MACROD2: variants seen among roughly 807,000 people sequenced by gnomAD.
The protein encoded by MACROD2 is ADP-ribose glycohydrolase MACROD2.
Under a neutral mutation model 70.4 loss-of-function variants are expected in MACROD2, and 36 were observed. That is an observed-to-expected ratio of 0.51 (90% CI 0.39 to 0.68). MACROD2 has a LOEUF of 0.68. Among genes scored for constraint, MACROD2 ranks in the 30% least tolerant of loss-of-function variants. The pLI is 0.00. For synonymous variants in MACROD2, 172 were observed against 178.8 expected (o/e 0.96, Z 0.30); for missense variants, 496 against 538.4 (o/e 0.92, Z 0.78).
rs143395905 is a variant in MACROD2 at position 14,465,539 on chromosome 20, G to C, written c.272-27940G>C. ...GAGTATTTAGCCCATTTATATTTAA[G>C]GTTAGTATTGTTATGTGTGAATTTG... On this transcript the variant is annotated intron_variant, in intron 3 of 17. Transcript: ENST00000684519. 3.3e-5 allele frequency among the ~76,000 whole-genome samples: 5 copies of C among 152,060 alleles called. No homozygotes were observed. In the East Asian group the frequency reaches 9.7e-4, roughly 29 times the overall value.
chr20:14,186,399 A>G (rs1405129447), intron 3 of MACROD2, among the ~76,000 whole-genome samples: 1 of 152,202 alleles, frequency 6.6e-6, no homozygotes, highest in Non-Finnish European at 1.5e-5. Flanking sequence ...TCAAAACCAC[A>G]TTGATATACC....
intron 3 of MACROD2, among the ~76,000 whole-genome samples, chr20:14,432,804 A>G (rs1337965653): frequency 1.3e-5 from 2 of 152,112 alleles, no homozygotes; most frequent in Non-Finnish European, 2.9e-5. Flanking sequence ...GTGCCTGGCC[A>G]CCATTATCTT....
At chr20:14,315,565 A>G (rs1015160760) in intron 3 of MACROD2, among the ~76,000 whole-genome samples, 16 of 152,204 alleles carry the variant, frequency 1.1e-4, no homozygotes, top group African/African-American at 3.6e-4. Context: ...AATAACACAT[A>G]AGCAAAATAT....
chr20:15,964,692 A>G (rs762254040), intron 12 of MACROD2, among the ~76,000 whole-genome samples: 1 of 152,208 alleles, frequency 6.6e-6, no homozygotes, highest in Non-Finnish European at 1.5e-5. Context: ...CTTCAAACCT[A>G]CAACTAAATA....
intron 6 of MACROD2, among the ~76,000 whole-genome samples, chr20:15,261,714 A>G (rs992721089): frequency 6.6e-6 from 1 of 151,958 alleles, no homozygotes; most frequent in Non-Finnish European, 1.5e-5. Context: ...AAATTTGAAC[A>G]ATATTATATT....
intron 5 of MACROD2, among the ~76,000 whole-genome samples, chr20:15,080,533 C>G (rs1470927792): frequency 1.3e-5 from 2 of 152,072 alleles, no homozygotes; most frequent in African/African-American, 4.8e-5. Context: ...CTTTTGAACA[C>G]TGGAGTTTTC....
chr20:14,610,010 C>G (rs999314739), intron 4 of MACROD2, among the ~76,000 whole-genome samples: 2 of 152,108 alleles, frequency 1.3e-5, no homozygotes, highest in African/African-American at 4.8e-5. Context: ...CAGGGTTTTA[C>G]AACACTTTCT....
intron 3 of MACROD2, among the ~76,000 whole-genome samples, chr20:14,123,428 A>G (rs2054608926): frequency 6.6e-6 from 1 of 152,150 alleles, no homozygotes; most frequent in African/African-American, 2.4e-5. Flanking sequence ...CACCTTCATC[A>G]GCACTGCAGC....
chr20:15,269,367 C>T (rs979714249), intron 6 of MACROD2, among the ~76,000 whole-genome samples: 6 of 152,236 alleles, frequency 3.9e-5, no homozygotes, highest in African/African-American at 1.4e-4. Context: ...TCTTGGCCTT[C>T]AGTCCACCCA....
intron 5 of MACROD2, among the ~76,000 whole-genome samples, chr20:14,980,822 T>C (rs937179258): frequency 1.3e-5 from 2 of 152,126 alleles, no homozygotes; most frequent in African/African-American, 4.8e-5. Context: ...GATAATCAGG[T>C]CTTCAGCAAA....
At chr20:14,099,314 C>G (rs1483021754) in intron 3 of MACROD2, among the ~76,000 whole-genome samples, 1 of 151,816 alleles carries the variant, frequency 6.6e-6, no homozygotes, top group Non-Finnish European at 1.5e-5. Context: ...ACCAGTACCC[C>G]AGAAGCCCTC....
chr20:14,352,872 T>G (rs2083137016), intron 3 of MACROD2, among the ~76,000 whole-genome samples: 1 of 152,134 alleles, frequency 6.6e-6, no homozygotes, highest in South Asian at 2.1e-4. Context: ...CATTTGAATA[T>G]TTTTGCTTTA....
chr20:15,451,689 A>G (rs143031569), intron 7 of MACROD2, among the ~76,000 whole-genome samples: 267 of 152,242 alleles, frequency 1.8e-3, no homozygotes, highest in Non-Finnish European at 3.0e-3. Flanking sequence ...ACAGCAGGAA[A>G]GAAAAATGAG....
intron 8 of MACROD2, among the ~76,000 whole-genome samples, chr20:15,835,949 C>G: frequency 6.6e-6 from 1 of 152,190 alleles, no homozygotes; most frequent in East Asian, 1.9e-4. Context: ...CAGTTTATCT[C>G]CCTTCCCTCC....
rs59205516 is a variant in MACROD2, at chr20:15,978,582, GTCTCTCTCTCTC to G, written c.986-8122_986-8111del. ...AATAAACTTACTCGCCTGACCTTGG[GTCTCTCTCTCTC>G]TCTCTCTCTCTCTCTCTCTCTCGTT... On this transcript the variant is annotated intron_variant, in intron 13 of 17. Coordinates refer to ENST00000684519, the MANE Select transcript of MACROD2 (RefSeq NM_001351661.2). Among the ~76,000 whole-genome samples, 16 of 146,428 alleles carry G rather than the reference GTCTCTCTCTCTC, an allele frequency of 1.1e-4. No individual in the cohort carries two copies. In the South Asian group the frequency reaches 1.1e-3, roughly 10 times the overall value.
intron 15 of MACROD2, among the ~76,000 whole-genome samples, chr20:16,006,250 G>A (rs141849473): frequency 4.5e-4 from 69 of 152,222 alleles, no homozygotes; most frequent in Non-Finnish European, 7.6e-4. Context: ...ACTCATCATC[G>A]GGTCAGTTGG....
intron 6 of MACROD2, among the ~76,000 whole-genome samples, chr20:15,254,213 C>T (rs2077179127): frequency 1.3e-5 from 2 of 152,144 alleles, no homozygotes; most frequent in Non-Finnish European, 2.9e-5. Flanking sequence ...AGTGGTGTTT[C>T]ACCAGGTTAA....
chr20:15,666,714 A>G (rs2049902339), intron 8 of MACROD2, among the ~76,000 whole-genome samples: 1 of 152,180 alleles, frequency 6.6e-6, no homozygotes, highest in African/African-American at 2.4e-5. Flanking sequence ...TATTAACTGT[A>G]AATTAGATTT....
At chr20:14,985,381 C>T (rs1203568082) in intron 5 of MACROD2, among the ~76,000 whole-genome samples, 1 of 152,174 alleles carries the variant, frequency 6.6e-6, no homozygotes, top group Non-Finnish European at 1.5e-5. Context: ...AGGAAGTTCA[C>T]TTTGACTAAT....
Sources: allele counts gnomAD v4.1 joint callset (sites outside exome capture counted in the v4.1 genomes callset), GRCh38; gene constraint gnomAD v4.1.1; transcripts MANE v1.5; gene names NCBI Gene and HGNC (gene_info 2026-07-23, HGNC 2026-07-21).